The following SMLR1 variants were observed in gnomAD, a reference collection of about 807,000 sequenced individuals.
The protein encoded by SMLR1 is small leucine-rich protein 1.
In SMLR1, 3 loss-of-function variants were observed where a neutral mutation model predicts 6.1. The ratio of observed to expected loss-of-function variants is 0.49; its 90% CI spans 0.22 to 1.28. The LOEUF (loss-of-function observed/expected upper bound fraction) is 1.28, where lower values mean the gene tolerates loss of function less well. Among genes scored for constraint, SMLR1 ranks in the 50% most tolerant of loss-of-function variants. SMLR1 has a pLI of 0.19. For missense variants in SMLR1, 126 were observed against 124.8 expected (o/e 1.01, Z -0.05); for synonymous variants, 55 against 53.6 (o/e 1.03, Z -0.11).
At chr6:130,830,167 C>T (rs955585871) in intron 1 of SMLR1, among the ~76,000 whole-genome samples, 10 of 152,106 alleles carry the variant, frequency 6.6e-5, no homozygotes, top group African/African-American at 2.4e-4. Flanking sequence ...ATTCTGGCCT[C>T]ATTAAATGTC....
Position 130,827,542 on chromosome 6 carries a change from A to G in SMLR1, c.129A>G (p.Ser43=), listed in dbSNP as rs1274340919. ...SVWLAMSSVL[S]AFMRELPGWF... ...GGTTGGCAATGAGCTCTGTGCTGTCAGCTTTCATGAGGGAGCTCCCTGGCT... is the reference window on the plus strand; with the variant it reads ...GGTTGGCAATGAGCTCTGTGCTGTCGGCTTTCATGAGGGAGCTCCCTGGCT... The change falls in exon 1 of 2, where the codon TCA becomes TCG. Residue 43 remains serine, a synonymous_variant. Transcript: ENST00000541421. 2 of 1,535,844 alleles carry G rather than the reference A, an allele frequency of 1.3e-6. No individual in the cohort carries two copies. Among genetic ancestry groups the G allele is most frequent in the African/African-American group, 2.7e-5 (2 of 72,974 alleles).
In SMLR1 at chr6:130,835,040, T is replaced by G; in HGVS notation, c.*85T>G. ...CCAACAGTTCAGCTAATAAAGTAGG[T>G]TGATAAACTAGAACCATAGCAAAAT... On this transcript the variant is annotated 3_prime_UTR_variant, in exon 2 of 2. Transcript: ENST00000541421. The G allele has an allele frequency of 9.5e-7, 1 of 1,053,628 alleles. No individual in the cohort carries two copies. Among genetic ancestry groups the G allele is most frequent in the Non-Finnish European group, 1.4e-6 (1 of 710,166 alleles). 65.3% of individuals were successfully genotyped at this position (1,053,628 alleles called of 1,614,324 possible). A position where few individuals can be genotyped will look rare whatever the true frequency, so the allele number is the denominator to read the frequency against.
chr6:130,827,495 A>G lies in SMLR1; in HGVS notation c.82A>G (p.Met28Val), dbSNP rs745605603. 6.5e-7 allele frequency: 1 copy of G among 1,535,834 alleles called. No individual in the cohort carries two copies. Among genetic ancestry groups the G allele is most frequent in the South Asian group, 1.2e-5 (1 of 84,046 alleles). Reference sequence around the variant, plus strand: ...TGCCCTGGTCCTGAGTGTGACTCCCATGGTCCCCGTGGGGTCTGTGTGGTT... The same window carrying G: ...TGCCCTGGTCCTGAGTGTGACTCCCGTGGTCCCCGTGGGGTCTGTGTGGTT... ...KAALVLSVTP[M>V]VPVGSVWLAM... The change falls in exon 1 of 2, where the codon ATG (methionine) becomes GTG (valine). Residue 28 changes from methionine (M) to valine (V), a missense_variant. Physicochemically the swap from Met to Val is conservative, Grantham distance 21. Transcript: ENST00000541421.
In SMLR1 at chr6:130,835,317, G is replaced by A. The variant is rs186981883; in HGVS notation, c.*362G>A. On this transcript the variant is annotated 3_prime_UTR_variant, in exon 2 of 2. Transcript: ENST00000541421. Reference sequence around the variant, plus strand: ...ATCCCATAGGAACCCCTATTATTCCGATTTTAGAGGTGAAGAAACCTTGGT... The same window carrying A: ...ATCCCATAGGAACCCCTATTATTCCAATTTTAGAGGTGAAGAAACCTTGGT... The A allele has an allele frequency of 1.3e-4, 23 of 177,610 alleles. No homozygotes were observed. The highest frequency in any genetic ancestry group is 2.8e-4 in the South Asian group (2 of 7,196). The allele number at this position is 177,610 out of a possible 1,614,324, so 11.0% of individuals were successfully genotyped here.
In SMLR1 at chr6:130,836,651, C is replaced by T. The variant is rs1477782546; in HGVS notation, c.*1696C>T. The T allele has an allele frequency of 1.3e-5, 2 of 152,178 alleles. No individual in the cohort carries two copies. Among genetic ancestry groups the T allele is most frequent in the Admixed American group, 1.3e-4 (2 of 15,286 alleles). The allele number at this position is 152,178 out of a possible 1,614,324, so 9.4% of individuals were successfully genotyped here. A position where few individuals can be genotyped will look rare whatever the true frequency, so the allele number is the denominator to read the frequency against. Reference sequence around the variant, plus strand: ...TGAGAGCAGAGAATCTCCAATGAAACTGACTAGATTTATGAATGTTTTTTA... The same window carrying T: ...TGAGAGCAGAGAATCTCCAATGAAATTGACTAGATTTATGAATGTTTTTTA... On this transcript the variant is annotated 3_prime_UTR_variant, in exon 2 of 2. Transcript: ENST00000541421.
At chr6:130,828,150 G>C (rs1040020584) in intron 1 of SMLR1, among the ~76,000 whole-genome samples, 1 of 152,168 alleles carries the variant, frequency 6.6e-6, no homozygotes, top group Non-Finnish European at 1.5e-5. Flanking sequence ...CTTTGTAAAT[G>C]TAAAGCCCTG....
At chr6:130,831,877 G>A (rs747975706) in intron 1 of SMLR1, among the ~76,000 whole-genome samples, 26 of 152,202 alleles carry the variant, frequency 1.7e-4, no homozygotes, top group Non-Finnish European at 2.9e-4. Context: ...TGGAGGTATT[G>A]TAATCACTCA....
intron 1 of SMLR1, 27 bp downstream of exon 1, chr6:130,827,678 A>G (rs1774317412): frequency 6.6e-7 from 1 of 1,505,974 alleles, no homozygotes; most frequent in South Asian, 1.2e-5. Flanking sequence ...ACAAGGAAGA[A>G]CTTGGGCATC....
chr6:130,828,061 C>T (rs895205363), intron 1 of SMLR1, among the ~76,000 whole-genome samples: 1 of 78,660 alleles, frequency 1.3e-5, no homozygotes, highest in Non-Finnish European at 2.8e-5. Flanking sequence ...TGTGTATGCG[C>T]CCGTGTGTGC....
chr6:130,834,262 G>C (rs1228913091), intron 1 of SMLR1, among the ~76,000 whole-genome samples: 2 of 152,178 alleles, frequency 1.3e-5, no homozygotes, highest in East Asian at 3.8e-4. Flanking sequence ...GAGGAGAATG[G>C]TGGGGGCAGA....
At chr6:130,831,428 T>C (rs1774444376) in intron 1 of SMLR1, among the ~76,000 whole-genome samples, 1 of 152,198 alleles carries the variant, frequency 6.6e-6, no homozygotes, top group African/African-American at 2.4e-5. Flanking sequence ...TAGGTTGATC[T>C]GGTCCCTTTA....
chr6:130,829,604 T>C (rs1201322760), intron 1 of SMLR1, among the ~76,000 whole-genome samples: 3 of 152,300 alleles, frequency 2.0e-5, no homozygotes, highest in East Asian at 3.9e-4. Flanking sequence ...TATCTAGAGA[T>C]CAAGTCTCAG....
chr6:130,827,781 C>T, intron 1 of SMLR1, 130 bp downstream of exon 1: 1 of 692,678 alleles, frequency 1.4e-6, no homozygotes, highest in Non-Finnish European at 2.3e-6. Flanking sequence ...AGGTACTTCT[C>T]AATCAGTGTT....
intron 1 of SMLR1, among the ~76,000 whole-genome samples, chr6:130,833,815 C>T (rs1042555726): frequency 1.2e-4 from 18 of 152,114 alleles, no homozygotes; most frequent in African/African-American, 4.3e-4. Context: ...AACACATATG[C>T]ACCCTCCCTA....
chr6:130,829,024 C>T (rs80139261), intron 1 of SMLR1, among the ~76,000 whole-genome samples: 15,968 of 152,288 alleles, frequency 0.1, 1,135 homozygotes, highest in Non-Finnish European at 0.15. Flanking sequence ...CCATCCGTAA[C>T]ACTCACTGCA....
Position 130,832,753 on chromosome 6 carries a change from C to T in SMLR1, c.239-2117C>T, listed in dbSNP as rs537856170. On this transcript the variant is annotated intron_variant, in intron 1 of 1. Coordinates refer to ENST00000541421, the MANE Select transcript of SMLR1 (RefSeq NM_001195597.2). ...AAGAGCATTCGAACCCTGGCTGGCT[C>T]CAGAGATAGCCCCTCTTCACCGACG... Among the ~76,000 whole-genome samples the T allele has an allele frequency of 3.9e-5, 6 of 152,272 alleles. No homozygotes were observed. The East Asian group carries it at 1.2e-3, about 29-fold the overall frequency.
intron 1 of SMLR1, among the ~76,000 whole-genome samples, chr6:130,829,061 T>C (rs1255566758): frequency 1.3e-5 from 2 of 152,204 alleles, no homozygotes; most frequent in Non-Finnish European, 1.5e-5. Context: ...ACATTGAACG[T>C]CCCAGGGACA....
Position 130,827,522 on chromosome 6 carries a change from G to A in SMLR1, c.109G>A (p.Ala37Thr), listed in dbSNP as rs1437504862. Reference sequence around the variant, plus strand: ...GGTCCCCGTGGGGTCTGTGTGGTTGGCAATGAGCTCTGTGCTGTCAGCTTT... The same window carrying A: ...GGTCCCCGTGGGGTCTGTGTGGTTGACAATGAGCTCTGTGCTGTCAGCTTT... Reference protein sequence around the residue: ...PMVPVGSVWLAMSSVLSAFMR... With the variant: ...PMVPVGSVWLTMSSVLSAFMR... Residue 37 changes from alanine (A) to threonine (T), a missense_variant, in exon 1 of 2, where the codon GCA (alanine) becomes ACA (threonine). Ala to Thr is a moderately conservative substitution (Grantham distance 58). Coordinates refer to ENST00000541421, the MANE Select transcript of SMLR1 (RefSeq NM_001195597.2). The A allele has an allele frequency of 2.0e-6, 3 of 1,535,862 alleles. No homozygotes were observed. The highest frequency in any genetic ancestry group is 2.6e-6 in the Non-Finnish European group (3 of 1,146,868).
intron 1 of SMLR1, among the ~76,000 whole-genome samples, chr6:130,830,014 C>T (rs1302828254): frequency 6.6e-6 from 1 of 152,200 alleles, no homozygotes; most frequent in Non-Finnish European, 1.5e-5. Context: ...TCATATACCA[C>T]AGACTGTCCC....
Sources: gnomAD v4.1 joint callset for allele counts (sites outside exome capture counted in the v4.1 genomes callset) on GRCh38, gnomAD v4.1.1 for gene constraint, MANE v1.5 for transcripts, NCBI Gene and HGNC (gene_info 2026-07-23, HGNC 2026-07-21) for gene names.